ALPL: variants seen among roughly 807,000 people sequenced by gnomAD.
ALPL encodes the protein alkaline phosphatase, tissue-nonspecific isozyme.
ALPL carries 42 observed loss-of-function variants against 51.3 expected under a neutral mutation model. That is an observed-to-expected ratio of 0.82 (90% CI 0.64 to 1.06). ALPL has a LOEUF of 1.06. Ranked by LOEUF, ALPL falls within the 50% of genes least tolerant of loss-of-function variation. The pLI, the probability that ALPL is intolerant of heterozygous loss-of-function variation, is 0.00. For synonymous variants in ALPL, 279 were observed against 296.4 expected (o/e 0.94, Z 0.60); for missense variants, 589 against 709.4 (o/e 0.83, Z 1.93).
intron 1 of ALPL, among the ~76,000 whole-genome samples, chr1:21,511,201 G>C (rs763919297): frequency 6.6e-6 from 1 of 152,222 alleles, no homozygotes; most frequent in Non-Finnish European, 1.5e-5. Flanking sequence ...CTTTGAAACT[G>C]TCAGAATTCA....
intron 1 of ALPL, among the ~76,000 whole-genome samples, chr1:21,528,011 T>TG (rs58259702): frequency 0.61 from 72,297 of 119,072 alleles, 18,183 homozygotes; most frequent in Middle Eastern, 0.67. Flanking sequence ...GTTTTTTTTT[T>TG]TTTTGTTTTT....
intron 4 of ALPL, 72 bp from the exon 5 acceptor site, chr1:21,563,038 T>A: frequency 6.3e-7 from 1 of 1,582,854 alleles, no homozygotes; most frequent in Non-Finnish European, 8.7e-7. Flanking sequence ...CCCCATGGTG[T>A]GAGTGTAGGC....
chr1:21,518,394 T>C (rs1210396248), intron 1 of ALPL, among the ~76,000 whole-genome samples: 1 of 152,186 alleles, frequency 6.6e-6, no homozygotes, highest in Admixed American at 6.5e-5. Flanking sequence ...ACCAGCCCAT[T>C]TTTCAGGTGA....
Position 21,577,646 on chromosome 1 carries a change from TG to T in ALPL, c.1574del (p.Ter525=), listed in dbSNP as rs764994176. 4.5e-4 allele frequency: 711 copies of T among 1,596,984 alleles called. 2 individuals are homozygous for T. Among genetic ancestry groups the T allele is most frequent in the Non-Finnish European group, 5.6e-4 (659 of 1,178,742 alleles). On this transcript the variant is annotated frameshift_variant and stop_lost, in exon 12 of 12. Transcript: ENST00000374840. LOFTEE classifies it high-confidence loss of function. ...LALYPLSVLF[*>X] The stretch of plus-strand genomic sequence containing the variant: ...CCTCTACCCCCTGAGCGTCCTGTTC[TG>T]AGGGCCCAGGGCCCGGGCACCCACA...
chr1:21,536,248 G>T (rs1338515838), intron 1 of ALPL, among the ~76,000 whole-genome samples: 1 of 152,182 alleles, frequency 6.6e-6, no homozygotes, highest in African/African-American at 2.4e-5. Flanking sequence ...TAGGAAGTTG[G>T]ACTCTTACAT....
intron 5 of ALPL, among the ~76,000 whole-genome samples, chr1:21,563,647 AG>A (rs1216001511): frequency 6.6e-6 from 1 of 152,086 alleles, no homozygotes; most frequent in Admixed American, 6.5e-5. Flanking sequence ...CAGAATTGGG[AG>A]GCCCAGCCTG....
intron 1 of ALPL, among the ~76,000 whole-genome samples, chr1:21,519,661 G>A (rs954195503): frequency 6.6e-6 from 1 of 152,214 alleles, no homozygotes; most frequent in Non-Finnish European, 1.5e-5. Flanking sequence ...GCTGGGCGTG[G>A]TGGTGTATGC....
Position 21,573,922 on chromosome 1 carries a change from A to G in ALPL, c.997+123A>G, listed in dbSNP as rs1644689781. Reference sequence around the variant, plus strand: ...GGGTGAAGGGAGAGGTCCCTTTAGGAGAATAGGTTGTGGAAGGAGACGGGT... The same window carrying G: ...GGGTGAAGGGAGAGGTCCCTTTAGGGGAATAGGTTGTGGAAGGAGACGGGT... On this transcript the variant is annotated intron_variant, in intron 9 of 11. Transcript: ENST00000374840. 2.0e-6 allele frequency: 3 copies of G among 1,529,366 alleles called. No homozygotes were observed. In the South Asian group the frequency reaches 3.7e-5, roughly 19 times the overall value. 94.7% of individuals were successfully genotyped at this position (1,529,366 alleles called of 1,614,324 possible).
At chr1:21,570,454 A>C in intron 8 of ALPL, 80 bp downstream of exon 8, 1 of 1,470,548 alleles carries the variant, frequency 6.8e-7, no homozygotes, top group Non-Finnish European at 9.4e-7. Context: ...ACCTGGGGAC[A>C]AGGCCCTAGC....
At chr1:21,566,998 AAAGCTCACGGCCATGACC>A (rs1644574299) in intron 6 of ALPL, among the ~76,000 whole-genome samples, 1 of 152,196 alleles carries the variant, frequency 6.6e-6, no homozygotes, top group Non-Finnish European at 1.5e-5. Context: ...GTCTGACTTC[AAAGCTCACGGCCATGACC>A]ATGGCCTGGA....
chr1:21,571,177 C>T (rs1644641941), intron 8 of ALPL, among the ~76,000 whole-genome samples: 2 of 152,196 alleles, frequency 1.3e-5, no homozygotes, highest in South Asian at 4.1e-4. Context: ...CCAGCTCTAC[C>T]ACCTCTAAGC....
At chr1:21,572,224 G>C (rs182517755) in intron 8 of ALPL, among the ~76,000 whole-genome samples, 216 of 152,236 alleles carry the variant, frequency 1.4e-3, no homozygotes, top group African/African-American at 4.9e-3. Context: ...CAGGAATCTG[G>C]GGACAGCTTA....
intron 9 of ALPL, 117 bp from the exon 10 acceptor site, chr1:21,575,616 G>A (rs186710883): frequency 2.2e-5 from 28 of 1,280,486 alleles, no homozygotes; most frequent in East Asian, 1.9e-4. Flanking sequence ...GGTGCCCGGC[G>A]AAGGTTCCTG....
intron 1 of ALPL, among the ~76,000 whole-genome samples, chr1:21,524,538 A>G (rs1643917225): frequency 6.6e-6 from 1 of 152,120 alleles, no homozygotes; most frequent in Admixed American, 6.5e-5. Flanking sequence ...TAGAAGCACA[A>G]AGGAAGGGAA....
rs1265179184 is a variant in ALPL, at chr1:21,509,433, G to T, written c.-189G>T. Reference sequence around the variant, plus strand: ...GGGGTGGTGGCCCGGGCCGCGTTGCGCTCCCGCCACTCCGCGCCCGCTATC... The same window carrying T: ...GGGGTGGTGGCCCGGGCCGCGTTGCTCTCCCGCCACTCCGCGCCCGCTATC... On this transcript the variant is annotated 5_prime_UTR_variant, in exon 1 of 12. Coordinates refer to ENST00000374840, the MANE Select transcript of ALPL (RefSeq NM_000478.6). This position sits in a 1 kb window ranked among gnomAD's most constrained non-coding sequence, Gnocchi z 6.0. The T allele has an allele frequency of 6.6e-6, 1 of 151,708 alleles. No individual in the cohort carries two copies. The highest frequency in any genetic ancestry group is 2.4e-5 in the African/African-American group (1 of 41,352). 9.4% of individuals were successfully genotyped at this position (151,708 alleles called of 1,614,324 possible). A position where few individuals can be genotyped will look rare whatever the true frequency, so the allele number is the denominator to read the frequency against.
At chr1:21,576,734 G>T in intron 11 of ALPL, 93 bp downstream of exon 11, 1 of 1,557,242 alleles carries the variant, frequency 6.4e-7, no homozygotes, top group Non-Finnish European at 8.8e-7. Context: ...CAAGGTCAGG[G>T]GTCTCAGAAT....
intron 3 of ALPL, 43 bp from the exon 4 acceptor site, chr1:21,561,054 A>C (rs1345568919): frequency 6.5e-7 from 1 of 1,537,074 alleles, no homozygotes; most frequent in South Asian, 1.2e-5. Context: ...CTGATTGGAG[A>C]GGCAGGAGCA....
intron 11 of ALPL, 113 bp from the exon 12 acceptor site, chr1:21,577,270 C>G (rs1644750149): frequency 6.5e-7 from 1 of 1,546,126 alleles, no homozygotes; most frequent in Admixed American, 1.7e-5. Context: ...GCCTCCTTTT[C>G]CTCTTCTGTG....
At chr1:21,535,940 G>A (rs1299796687) in intron 1 of ALPL, among the ~76,000 whole-genome samples, 1 of 152,138 alleles carries the variant, frequency 6.6e-6, no homozygotes, top group African/African-American at 2.4e-5. Context: ...CCTCTGAAAT[G>A]GGTGTAGTGG....
Sources: gnomAD v4.1 joint callset for allele counts (sites outside exome capture counted in the v4.1 genomes callset) on GRCh38, gnomAD v4.1.1 for gene constraint, Gnocchi (gnomAD v3.1) non-coding constraint, MANE v1.5 for transcripts, NCBI Gene and HGNC (gene_info 2026-07-23, HGNC 2026-07-21) for gene names.